HIRA: variants seen among roughly 807,000 people sequenced by gnomAD.
The protein encoded by HIRA is protein HIRA.
In HIRA, 13 loss-of-function variants were observed where a neutral mutation model predicts 126.6. The ratio of observed to expected loss-of-function variants is 0.10; its 90% CI spans 0.07 to 0.16. The LOEUF (loss-of-function observed/expected upper bound fraction) is 0.16. HIRA is among the 10% of genes least tolerant of loss of function. The pLI is 1.00. For missense variants in HIRA, 834 were observed against 1,314.4 expected (o/e 0.63, Z 5.65); for synonymous variants, 511 against 520.0 (o/e 0.98, Z 0.24).
intron 13 of HIRA, among the ~76,000 whole-genome samples, chr22:19,382,728 TG>T (rs1426723764): frequency 6.6e-6 from 1 of 151,420 alleles, no homozygotes; most frequent in Admixed American, 6.6e-5. Context: ...GCCTTGACAG[TG>T]GGGGTCTATT....
At chr22:19,347,573 A>G (rs544612314) in intron 24 of HIRA, among the ~76,000 whole-genome samples, 15 of 152,344 alleles carry the variant, frequency 9.8e-5, no homozygotes, top group African/African-American at 3.6e-4. Context: ...GAAGACAGAG[A>G]TCCAAAGAGG....
At chr22:19,402,456 A>C (rs2089276883) in intron 5 of HIRA, among the ~76,000 whole-genome samples, 1 of 152,180 alleles carries the variant, frequency 6.6e-6, no homozygotes, top group South Asian at 2.1e-4. Context: ...TTCTCTTTTT[A>C]TCATTAGATA....
chr22:19,368,410 T>A (rs1429720484), intron 15 of HIRA, among the ~76,000 whole-genome samples: 2 of 151,828 alleles, frequency 1.3e-5, no homozygotes, highest in African/African-American at 4.9e-5. Flanking sequence ...GAGTCAGTGC[T>A]CCTCAAAATC....
chr22:19,357,488 T>G (rs1480073655), intron 18 of HIRA, among the ~76,000 whole-genome samples: 1 of 152,228 alleles, frequency 6.6e-6, no homozygotes, highest in African/African-American at 2.4e-5. Context: ...GATGACAGCA[T>G]GCACCTCTGT....
intron 1 of HIRA, among the ~76,000 whole-genome samples, chr22:19,421,124 C>A (rs1020587730): frequency 3.9e-5 from 6 of 152,044 alleles, no homozygotes; most frequent in Non-Finnish European, 4.4e-5. Flanking sequence ...ATGGTGAAAC[C>A]CCATCTCTAC....
Position 19,388,601 on chromosome 22 carries a change from C to T in HIRA, c.937-47G>A, listed in dbSNP as rs2097605. On this transcript the variant is annotated intron_variant, in intron 9 of 24. Transcript: ENST00000263208. ...AGGTTAATGAAATTACTGAAATCCC[C>T]TTCTGTATTCAGCTCAGTTAACATA... 71,665 of 1,471,668 alleles carry T rather than the reference C, an allele frequency of 0.049. 3,055 individuals are homozygous for T. Among genetic ancestry groups the T allele is most frequent in the South Asian group, 0.17 (14,584 of 87,812 alleles). 91.2% of individuals were successfully genotyped at this position (1,471,668 alleles called of 1,614,324 possible).
At chr22:19,415,752 G>A (rs2089391377) in intron 1 of HIRA, among the ~76,000 whole-genome samples, 1 of 152,166 alleles carries the variant, frequency 6.6e-6, no homozygotes, top group Admixed American at 6.5e-5. Flanking sequence ...TTGTGCCATT[G>A]CACTCCAGCC....
At chr22:19,368,559 C>G (rs887214253) in intron 15 of HIRA, among the ~76,000 whole-genome samples, 1 of 151,976 alleles carries the variant, frequency 6.6e-6, no homozygotes, top group Admixed American at 6.6e-5. Context: ...GTCAAAAATG[C>G]TTTCTCTCAG....
chr22:19,409,047 G>A (rs1413746344), intron 2 of HIRA, among the ~76,000 whole-genome samples: 1 of 152,198 alleles, frequency 6.6e-6, no homozygotes, highest in African/African-American at 2.4e-5. Context: ...GCACACCCTA[G>A]TGGGGTTTCC....
chr22:19,357,112 C>A lies in HIRA; in HGVS notation c.2235-61G>T, dbSNP rs1450998040. ...CTGAGTGCTGCAGCCAAGACAGTAG[C>A]CCTGGAAGTGTGGGCCTTCCCTCTG... On this transcript the variant is annotated intron_variant, in intron 18 of 24. Transcript: ENST00000263208. The A allele has an allele frequency of 1.9e-6, 3 of 1,584,260 alleles. No homozygotes were observed. In the Admixed American group the frequency reaches 5.1e-5, roughly 27 times the overall value.
At chr22:19,366,369 CAA>C (rs950380541) in intron 15 of HIRA, among the ~76,000 whole-genome samples, 6 of 152,094 alleles carry the variant, frequency 3.9e-5, no homozygotes, top group Admixed American at 6.6e-5. Flanking sequence ...CTCAAAAAAA[CAA>C]AAAAACATTT....
chr22:19,399,149 G>A, intron 5 of HIRA: 1 of 985,376 alleles, frequency 1.0e-6, no homozygotes, highest in Non-Finnish European at 1.2e-6. Flanking sequence ...GGGGTGAAGG[G>A]CGCAGTCTTA....
chr22:19,398,832 G>C (rs1449203825), intron 5 of HIRA, among the ~76,000 whole-genome samples: 1 of 152,064 alleles, frequency 6.6e-6, no homozygotes, highest in Non-Finnish European at 1.5e-5. Flanking sequence ...GGCTGGGCTT[G>C]GTAGCACATG....
chr22:19,392,049 T>C, intron 9 of HIRA, 52 bp downstream of exon 9: 3 of 1,089,190 alleles, frequency 2.8e-6, no homozygotes, highest in Non-Finnish European at 4.1e-6. Context: ...CTTGCTACTT[T>C]ACCAACCTAC....
intron 1 of HIRA, among the ~76,000 whole-genome samples, chr22:19,426,875 T>C (rs1436153054): frequency 6.6e-6 from 1 of 152,168 alleles, no homozygotes; most frequent in Non-Finnish European, 1.5e-5. Flanking sequence ...ATGGAGCAGG[T>C]GAGGCAAGAA....
At chr22:19,418,580 C>T (rs1010270133) in intron 1 of HIRA, among the ~76,000 whole-genome samples, 3 of 78,412 alleles carry the variant, frequency 3.8e-5, no homozygotes, top group African/African-American at 5.9e-5. Flanking sequence ...TGCAGTGAGC[C>T]GAGATCGCGC....
chr22:19,406,443 A>C (rs1428716686), intron 4 of HIRA, among the ~76,000 whole-genome samples: 23 of 152,246 alleles, frequency 1.5e-4, no homozygotes, highest in Admixed American at 1.5e-3. Context: ...ATCTATAGGT[A>C]CTAGCCCCCA....
rs2088818333 is a variant in HIRA at position 19,356,971 on chromosome 22, A to G, written c.2315T>C (p.Leu772Pro). 6.2e-6 allele frequency: 10 copies of G among 1,614,020 alleles called. No homozygotes were observed. The highest frequency in any genetic ancestry group is 8.5e-6 in the Non-Finnish European group (10 of 1,179,986). Residue 772 changes from leucine (L) to proline (P), a missense_variant, in exon 19 of 25, where the codon CTC becomes CCC. By Grantham distance (98) the Leu-to-Pro change is moderately conservative. Around this residue, in one of 5 missense-constraint regions of HIRA, gnomAD observed 468 missense variants for 574.2 expected, o/e 0.82. Transcript: ENST00000263208. ...TCGRRLLSPI[L>P]LPSPISTLHC... is the part of the protein sequence containing the mutation. ...CAAAGTAGAGATCGGGGATGGCAGGAGGATGGGAGAGAGGAGACGGCGACC... is the reference window on the plus strand; with the variant it reads ...CAAAGTAGAGATCGGGGATGGCAGGGGGATGGGAGAGAGGAGACGGCGACC...
chr22:19,343,874 G>C (rs938888966), intron 24 of HIRA, among the ~76,000 whole-genome samples: 1 of 88,856 alleles, frequency 1.1e-5, no homozygotes, highest in Non-Finnish European at 2.4e-5. Context: ...CACAGTGAGG[G>C]GAAAAAAAAA....
Sources: allele counts gnomAD v4.1 joint callset (sites outside exome capture counted in the v4.1 genomes callset), GRCh38; gene constraint gnomAD v4.1.1; regional missense constraint gnomAD v4.1.1; transcripts MANE v1.5; gene names NCBI Gene and HGNC (gene_info 2026-07-23, HGNC 2026-07-21).